The following LRRIQ3 variants were observed in gnomAD, a reference collection of about 807,000 sequenced individuals.
LRRIQ3 encodes leucine-rich repeat and IQ domain-containing protein 3.
A neutral mutation model predicts 59.3 loss-of-function variants in LRRIQ3; 75 were observed. The ratio of observed to expected loss-of-function variants is 1.26; its 90% CI spans 1.05 to 1.53. LRRIQ3 has a LOEUF of 1.53. LRRIQ3 is among the 40% of genes most tolerant of loss of function. The probability of loss-of-function intolerance (pLI) is 0.00; values close to 1 mark genes in which losing one functional copy is unlikely to be tolerated. For synonymous variants in LRRIQ3, 250 were observed against 231.3 expected (o/e 1.08, Z -0.73); for missense variants, 831 against 710.0 (o/e 1.17, Z -1.94).
intron 4 of LRRIQ3, among the ~76,000 whole-genome samples, chr1:74,145,604 T>C (rs1029411422): frequency 2.0e-5 from 3 of 152,028 alleles, no homozygotes; most frequent in African/African-American, 7.2e-5. Context: ...TAACTACTCA[T>C]CAACAAAATA....
chr1:74,030,531 A>C (rs191425805), intron 7 of LRRIQ3, among the ~76,000 whole-genome samples: 3 of 152,310 alleles, frequency 2.0e-5, no homozygotes, highest in African/African-American at 7.2e-5. Flanking sequence ...TATTTAACAA[A>C]TGGTGGTGGG....
chr1:74,106,709 A>T (rs1023175814), intron 5 of LRRIQ3, among the ~76,000 whole-genome samples: 21 of 152,016 alleles, frequency 1.4e-4, no homozygotes, highest in African/African-American at 4.3e-4. Context: ...AAGGGAAAGG[A>T]TCAACGATAC....
In LRRIQ3 at chr1:74,034,171, G is replaced by A. The variant is rs137930815; in HGVS notation, c.1718+7042C>T. ...ATGGAAATTTATCAGAATGCTTTTAGGTCAAGAGAATAAAGAATCATCAGC... is the reference window on the plus strand; with the variant it reads ...ATGGAAATTTATCAGAATGCTTTTAAGTCAAGAGAATAAAGAATCATCAGC... On this transcript the variant is annotated intron_variant, in intron 7 of 7. Coordinates refer to ENST00000354431, the MANE Select transcript of LRRIQ3 (RefSeq NM_001105659.2). Among the ~76,000 whole-genome samples the A allele has an allele frequency of 4.5e-3, 679 of 151,928 alleles. 11 individuals carry two copies. Among genetic ancestry groups the A allele is most frequent in the African/African-American group, 0.016 (653 of 41,488 alleles).
chr1:74,029,734 C>T (rs1162674254), intron 7 of LRRIQ3, among the ~76,000 whole-genome samples: 2 of 152,000 alleles, frequency 1.3e-5, no homozygotes, highest in African/African-American at 2.4e-5. Context: ...GGGAGGATTC[C>T]TTCTTTTTCT....
At chr1:74,114,187 A>C (rs1464410917) in intron 4 of LRRIQ3, among the ~76,000 whole-genome samples, 2 of 151,998 alleles carry the variant, frequency 1.3e-5, no homozygotes, top group Non-Finnish European at 2.9e-5. Context: ...TAAAAATGAT[A>C]AATAGAAATA....
intron 6 of LRRIQ3, among the ~76,000 whole-genome samples, chr1:74,052,660 G>A (rs1654404128): frequency 6.6e-6 from 1 of 151,968 alleles, no homozygotes; most frequent in Non-Finnish European, 1.5e-5. Flanking sequence ...AAGATTATAA[G>A]CCAATACAGA....
intron 1 of LRRIQ3, among the ~76,000 whole-genome samples, chr1:74,184,052 A>G (rs1251276435): frequency 6.6e-6 from 1 of 152,030 alleles, no homozygotes; most frequent in African/African-American, 2.4e-5. Context: ...TCGTATGATA[A>G]TTTTTGTTAA....
intron 4 of LRRIQ3, among the ~76,000 whole-genome samples, chr1:74,111,280 C>T (rs1467994421): frequency 1.3e-5 from 2 of 151,464 alleles, no homozygotes; most frequent in Non-Finnish European, 2.9e-5. Context: ...AAATAAAATA[C>T]AAAATATATA....
intron 6 of LRRIQ3, among the ~76,000 whole-genome samples, chr1:74,074,038 T>A (rs1646168375): frequency 6.6e-6 from 1 of 152,114 alleles, no homozygotes; most frequent in African/African-American, 2.4e-5. Context: ...ATTTATAAAA[T>A]TTAACTAATT....
chr1:74,146,381 A>G (rs1647572346), intron 4 of LRRIQ3, among the ~76,000 whole-genome samples: 3 of 152,194 alleles, frequency 2.0e-5, no homozygotes, highest in Admixed American at 6.5e-5. Context: ...CTATTAAAAT[A>G]TAAACTCCAC....
At chr1:74,107,250 G>A (rs914339744) in intron 5 of LRRIQ3, among the ~76,000 whole-genome samples, 2 of 151,944 alleles carry the variant, frequency 1.3e-5, no homozygotes, top group African/African-American at 4.8e-5. Flanking sequence ...TCTAATTACT[G>A]AACCTTGAAT....
At chr1:74,059,062 T>C (rs980864328) in intron 6 of LRRIQ3, among the ~76,000 whole-genome samples, 1 of 151,800 alleles carries the variant, frequency 6.6e-6, no homozygotes, top group Non-Finnish European at 1.5e-5. Flanking sequence ...TGGCCAAAGA[T>C]GTTGTAAGAT....
At position 74,041,696 on chromosome 1, in the gene LRRIQ3, C is replaced by A; in HGVS notation, c.1235G>T (p.Arg412Ile). The A allele has an allele frequency of 6.2e-7, 1 of 1,613,554 alleles. No homozygotes were observed. The highest frequency in any genetic ancestry group is 1.1e-5 in the South Asian group (1 of 91,028). ...AAATGTTCGGAGTTTCATACCAGCT[C>A]TTTGTGGTGCAAAAAACTCTTTCAT... ...RSMKEFFAPQRAGMKLRTFSD... is the reference protein window; with the variant it reads ...RSMKEFFAPQIAGMKLRTFSD... The change falls in exon 7 of 8, where the codon AGA becomes ATA. Residue 412 changes from arginine (R) to isoleucine (I), a missense_variant. By Grantham distance (97) the Arg-to-Ile change is moderately conservative. Coordinates refer to ENST00000354431, the MANE Select transcript of LRRIQ3 (RefSeq NM_001105659.2).
intron 4 of LRRIQ3, among the ~76,000 whole-genome samples, chr1:74,142,575 A>C (rs1004775182): frequency 6.6e-6 from 1 of 152,022 alleles, no homozygotes; most frequent in Non-Finnish European, 1.5e-5. Context: ...GCTGACTGTT[A>C]AAGTAGCTTA....
At chr1:74,180,870 C>T in intron 3 of LRRIQ3, 2 of 1,376,424 alleles carry the variant, frequency 1.5e-6, no homozygotes, top group Non-Finnish European at 1.0e-6. Flanking sequence ...CTAATGTAGC[C>T]CAAATCTCTA....
intron 7 of LRRIQ3, among the ~76,000 whole-genome samples, chr1:74,040,526 A>C (rs1157389173): frequency 6.6e-6 from 1 of 152,212 alleles, no homozygotes; most frequent in Non-Finnish European, 1.5e-5. Context: ...TCTAAAATTG[A>C]CCACATAATT....
chr1:74,136,829 A>C (rs1472633383), intron 4 of LRRIQ3, among the ~76,000 whole-genome samples: 1 of 151,978 alleles, frequency 6.6e-6, no homozygotes, highest in Non-Finnish European at 1.5e-5. Flanking sequence ...CTAAAGGGAA[A>C]ACCACTTTGA....
At chr1:74,075,893 A>T (rs1646202029) in intron 5 of LRRIQ3, among the ~76,000 whole-genome samples, 1 of 152,186 alleles carries the variant, frequency 6.6e-6, no homozygotes, top group Admixed American at 6.5e-5. Context: ...TTTCAGTCAG[A>T]AGTTGGAGGA....
intron 7 of LRRIQ3, among the ~76,000 whole-genome samples, chr1:74,028,676 G>A (rs17094760): frequency 0.015 from 2,269 of 151,840 alleles, 46 homozygotes; most frequent in African/African-American, 0.052. Flanking sequence ...TTGTTGGTGT[G>A]ATTTTAGATA....
Sources: allele counts gnomAD v4.1 joint callset (sites outside exome capture counted in the v4.1 genomes callset), GRCh38; gene constraint gnomAD v4.1.1; transcripts MANE v1.5; gene names NCBI Gene and HGNC (gene_info 2026-07-23, HGNC 2026-07-21).